CHD9: variants seen among roughly 807,000 people sequenced by gnomAD.
CHD9 encodes ATP-dependent chromatin remodeler CHD9.
CHD9 carries 77 observed loss-of-function variants against 316.1 expected under a neutral mutation model. That is an observed-to-expected ratio of 0.24 (90% confidence interval 0.20 to 0.29). CHD9 has a LOEUF of 0.29. CHD9 is among the 10% of genes least tolerant of loss of function. CHD9 has a pLI of 1.00. For synonymous variants in CHD9, 1,129 were observed against 1,158.3 expected (o/e 0.97, Z 0.51); for missense variants, 2,763 against 3,438.1 (o/e 0.80, Z 4.91).
chr16:53,294,780 A>C (rs890679026), intron 29 of CHD9, among the ~76,000 whole-genome samples: 25 of 152,120 alleles, frequency 1.6e-4, no homozygotes, highest in African/African-American at 6.0e-4. Context: ...AAGAGTGGCA[A>C]AGCATTTGTG....
At chr16:53,301,180 T>G (rs1022341385) in intron 30 of CHD9, among the ~76,000 whole-genome samples, 7 of 152,250 alleles carry the variant, frequency 4.6e-5, no homozygotes, top group African/African-American at 1.7e-4. Context: ...TTATAGAATA[T>G]TATGTTTTGC....
Position 53,245,237 on chromosome 16 carries a change from A to C in CHD9, c.3055-99A>C, listed in dbSNP as rs1220059041. On this transcript the variant is annotated intron_variant, in intron 13 of 38. Coordinates refer to ENST00000447540, the MANE Select transcript of CHD9 (RefSeq NM_001308319.2). The surrounding 1 kb of genome is among the most constrained non-coding windows in gnomAD (Gnocchi z 4.1). ...AACATATATATATGTATATATAGTC[A>C]GAAAAATATTTGCATATTGATCATT... The C allele has an allele frequency of 1.2e-6, 1 of 847,780 alleles. No individual in the cohort carries two copies. The highest frequency in any genetic ancestry group is 1.7e-5 in the African/African-American group (1 of 57,314). 52.5% of individuals were successfully genotyped at this position (847,780 alleles called of 1,614,324 possible).
At chr16:53,181,064 G>GC (rs2043473947) in intron 2 of CHD9, among the ~76,000 whole-genome samples, 1 of 150,520 alleles carries the variant, frequency 6.6e-6, no homozygotes, top group Non-Finnish European at 1.5e-5. Context: ...AGACTGGAGT[G>GC]CAATGGTCCG....
At chr16:53,131,031 C>G (rs931365309) in intron 1 of CHD9, 1 of 154,354 alleles carries the variant, frequency 6.5e-6, no homozygotes, top group Non-Finnish European at 1.4e-5. Flanking sequence ...CTGCCCCGCG[C>G]TGACAGGGGG....
chr16:53,250,829 T>A (rs544103395), intron 17 of CHD9, among the ~76,000 whole-genome samples: 5 of 152,178 alleles, frequency 3.3e-5, no homozygotes, highest in South Asian at 4.1e-4. Context: ...CTTTTTTTTT[T>A]ATAAAACTAG....
At chr16:53,132,250 CATTT>C (rs546003729) in intron 1 of CHD9, among the ~76,000 whole-genome samples, 111 of 152,206 alleles carry the variant, frequency 7.3e-4, no homozygotes, top group East Asian at 2.7e-3. Flanking sequence ...GCTATTGTGA[CATTT>C]ATTTATGTGA....
chr16:53,282,502 A>G (rs1398179583), intron 24 of CHD9, among the ~76,000 whole-genome samples: 2 of 152,154 alleles, frequency 1.3e-5, no homozygotes, highest in Non-Finnish European at 2.9e-5. Context: ...GCTACTCTGG[A>G]GGCAGAGGTG....
chr16:53,174,952 G>GT (rs1338865873), intron 2 of CHD9, among the ~76,000 whole-genome samples: 1 of 152,166 alleles, frequency 6.6e-6, no homozygotes, highest in Non-Finnish European at 1.5e-5. Context: ...ATGCAGTTAA[G>GT]TACTTGGAAA....
At chr16:53,158,202 A>T (rs956639168) in intron 2 of CHD9, among the ~76,000 whole-genome samples, 7 of 152,242 alleles carry the variant, frequency 4.6e-5, no homozygotes, top group Admixed American at 1.3e-4. Flanking sequence ...TAGATTAAAG[A>T]ATATAAAAAT....
intron 27 of CHD9, 84 bp from the exon 28 acceptor site, chr16:53,291,641 A>G (rs373731166): frequency 2.2e-6 from 2 of 892,684 alleles, no homozygotes; most frequent in East Asian, 5.5e-5. Flanking sequence ...GCTCTCTGTT[A>G]TAAAGAAGTT....
intron 1 of CHD9, among the ~76,000 whole-genome samples, chr16:53,100,533 A>G (rs1373552003): frequency 6.7e-6 from 1 of 148,514 alleles, no homozygotes; most frequent in African/African-American, 2.5e-5. Flanking sequence ...ATCATAGCTC[A>G]GTGAAGCCTG....
At position 53,267,303 on chromosome 16, in the gene CHD9, G is replaced by C. The variant is rs1567589659; in HGVS notation, c.4330G>C (p.Val1444Leu). 1.2e-6 allele frequency: 2 copies of C among 1,607,012 alleles called. No individual in the cohort carries two copies. Among genetic ancestry groups the C allele is most frequent in the Admixed American group, 1.7e-5 (1 of 59,146 alleles). The change falls in exon 21 of 39, where the codon GTT becomes CTT. Residue 1444 changes from valine (V) to leucine (L), a missense_variant. Transcript: ENST00000447540. ...CAGTTCTGTTTTACAGAACAGCTTG[G>C]TTATTGACACTCCAAGAATTAGGAA... The part of the protein sequence containing the change: ...IEAISGRNSL[V>L]IDTPRIRKQT...
chr16:53,093,254 T>C (rs1467024114), intron 1 of CHD9, among the ~76,000 whole-genome samples: 1 of 152,230 alleles, frequency 6.6e-6, no homozygotes, highest in Non-Finnish European at 1.5e-5. Context: ...GCTAGCTATG[T>C]GGCCTTAGGA....
At chr16:53,179,895 TCAA>T in intron 2 of CHD9, among the ~76,000 whole-genome samples, 1 of 141,396 alleles carries the variant, frequency 7.1e-6, no homozygotes, top group East Asian at 2.0e-4. Flanking sequence ...AGACTTCATC[TCAA>T]AAAAAAAAAA....
In CHD9 at chr16:53,157,554, T is replaced by G. The variant is rs1302648912; in HGVS notation, c.1452+13T>G. On this transcript the variant is annotated intron_variant, in intron 2 of 38. Transcript: ENST00000447540. ...TTTACAGCGACAGGTATGTAGCTCT[T>G]TGCTTTTATTTTGGAGATTTGGGGG... The G allele has an allele frequency of 6.3e-7, 1 of 1,588,670 alleles. No homozygotes were observed. The highest frequency in any genetic ancestry group is 8.6e-7 in the Non-Finnish European group (1 of 1,165,074).
At chr16:53,284,339 A>ATG (rs199537032) in intron 24 of CHD9, among the ~76,000 whole-genome samples, 11 of 150,124 alleles carry the variant, frequency 7.3e-5, no homozygotes, top group East Asian at 1.9e-4. Flanking sequence ...ATATAAGAAA[A>ATG]TGTGTGTGTG....
Position 53,222,728 on chromosome 16 carries a change from G to A in CHD9, c.1869G>A (p.Gln623=). 6.4e-7 allele frequency: 1 copy of A among 1,561,134 alleles called. No homozygotes were observed. The highest frequency in any genetic ancestry group is 8.7e-7 in the Non-Finnish European group (1 of 1,145,242). The change falls in exon 4 of 39, where the codon CAG becomes CAA. Residue 623 remains glutamine, a synonymous_variant. Transcript: ENST00000447540. ...DEISDAEQMP[Q]HTLKDQDSQK... ...TATCTGATGCAGAACAGATGCCACA[G>A]CATACATTAAAAGATCAAGACTCTC... is the stretch of plus-strand genomic sequence containing the variant.
chr16:53,070,699 A>C (rs2033971788), intron 1 of CHD9, among the ~76,000 whole-genome samples: 1 of 151,988 alleles, frequency 6.6e-6, no homozygotes, highest in Admixed American at 6.6e-5. Flanking sequence ...GACTACAGAC[A>C]TGCACCACCA....
rs1567550735 is a variant in CHD9, at chr16:53,245,485, C to T, written c.3198+6C>T. 10 of 1,573,306 alleles carry T rather than the reference C, an allele frequency of 6.4e-6. No homozygotes were observed. The highest frequency in any genetic ancestry group is 7.7e-6 in the Non-Finnish European group (9 of 1,165,562). On this transcript the variant is annotated splice_donor_region_variant and intron_variant, in intron 14 of 38. Coordinates refer to ENST00000447540, the MANE Select transcript of CHD9 (RefSeq NM_001308319.2). The surrounding 1 kb of genome is among the most constrained non-coding windows in gnomAD (Gnocchi z 4.1). The stretch of plus-strand genomic sequence containing the variant: ...ATCTGAAAACAGAGGAACAGGTATC[C>T]TATTGCTCTTTGTAAATACATTCAT...
Sources: gnomAD v4.1 joint callset for allele counts (sites outside exome capture counted in the v4.1 genomes callset) on GRCh38, gnomAD v4.1.1 for gene constraint, Gnocchi (gnomAD v3.1) non-coding constraint, MANE v1.5 for transcripts, NCBI Gene and HGNC (gene_info 2026-07-23, HGNC 2026-07-21) for gene names.